The following NUMBL variants were observed in gnomAD, a reference collection of about 807,000 sequenced individuals.
NUMBL encodes numb-like protein.
In NUMBL, 20 loss-of-function variants were observed where a neutral mutation model predicts 48.9. The ratio of observed to expected loss-of-function variants is 0.41; its 90% CI spans 0.29 to 0.59. The LOEUF (loss-of-function observed/expected upper bound fraction) is 0.59, where lower values mean the gene tolerates loss of function less well. NUMBL is among the 20% of genes least tolerant of loss of function. The pLI is 0.31. For missense variants in NUMBL, 660 were observed against 846.2 expected (o/e 0.78, Z 2.73); for synonymous variants, 340 against 348.7 (o/e 0.98, Z 0.28).
At chr19:40,674,244 G>C (rs2081863402) in intron 7 of NUMBL, among the ~76,000 whole-genome samples, 1 of 152,076 alleles carries the variant, frequency 6.6e-6, no homozygotes, top group Admixed American at 6.6e-5. Context: ...GTCACTGTCT[G>C]TTCCCCTCTG....
chr19:40,668,378 A>C (rs1367280957), intron 9 of NUMBL, among the ~76,000 whole-genome samples: 3 of 152,188 alleles, frequency 2.0e-5, no homozygotes, highest in Non-Finnish European at 2.9e-5. Flanking sequence ...CTAAGGCCCT[A>C]TGATGAGAAA....
Position 40,667,892 on chromosome 19 carries a change from G to A in NUMBL, c.1406C>T (p.Pro469Leu). ...ALQPFPAPVG[P>L]FDAAPAQVAV... is the part of the protein sequence containing the mutation. ...CACTTGGGCAGGTGCAGCGTCAAAG[G>A]GCCCCACGGGGGCGGGGAAAGGCTG... is the stretch of plus-strand genomic sequence containing the variant. The change falls in exon 10 of 10, where the codon CCC (proline) becomes CTC (leucine). Residue 469 changes from proline (P) to leucine (L), a missense_variant. This residue lies in a region of NUMBL where 296 missense variants were observed against 339.7 expected (regional missense o/e 0.87). Coordinates refer to ENST00000252891, the MANE Select transcript of NUMBL (RefSeq NM_004756.5). This position sits in a 1 kb window ranked among gnomAD's most constrained non-coding sequence, Gnocchi z 6.1. 1.9e-6 allele frequency: 3 copies of A among 1,580,180 alleles called. No individual in the cohort carries two copies. The highest frequency in any genetic ancestry group is 2.3e-5 in the South Asian group (2 of 86,730).
chr19:40,687,155 T>C lies in NUMBL; in HGVS notation c.25-160A>G, dbSNP rs1419934590. Among the ~76,000 whole-genome samples, 1 of 152,178 alleles carries C rather than the reference T, an allele frequency of 6.6e-6. No homozygotes were observed. The highest frequency in any genetic ancestry group is 1.5e-5 in the Non-Finnish European group (1 of 68,014). ...ACTGTTACCAGGGAGATCAGCCACC[T>C]GGTTCCAAGGGCCCAGGAAGGAGTA... On this transcript the variant is annotated intron_variant, in intron 1 of 9. Transcript: ENST00000252891. This position sits in a 1 kb window ranked among gnomAD's most constrained non-coding sequence, Gnocchi z 4.6.
chr19:40,685,577 G>C (rs887376703), intron 2 of NUMBL: 2 of 153,892 alleles, frequency 1.3e-5, no homozygotes, highest in East Asian at 1.9e-4. Flanking sequence ...TTGTGAGTGT[G>C]TGTCTGCTGT....
Position 40,667,425 on chromosome 19 carries a change from C to T in NUMBL, c.*43G>A, listed in dbSNP as rs755084098. On this transcript the variant is annotated 3_prime_UTR_variant, in exon 10 of 10. Coordinates refer to ENST00000252891, the MANE Select transcript of NUMBL (RefSeq NM_004756.5). The surrounding 1 kb of genome is among the most constrained non-coding windows in gnomAD (Gnocchi z 6.1). ...GAGAGGTTGTGCCTCCACCCCCAGGCGTGGGGCACCTGGAGATGATGGAGT... is the reference window on the plus strand; with the variant it reads ...GAGAGGTTGTGCCTCCACCCCCAGGTGTGGGGCACCTGGAGATGATGGAGT... 1.4e-5 allele frequency: 23 copies of T among 1,587,898 alleles called. No individual in the cohort carries two copies. Among genetic ancestry groups the T allele is most frequent in the East Asian group, 6.8e-5 (3 of 44,140 alleles).
At chr19:40,672,346 C>T (rs1378095037) in intron 8 of NUMBL, among the ~76,000 whole-genome samples, 1 of 152,238 alleles carries the variant, frequency 6.6e-6, no homozygotes, top group Non-Finnish European at 1.5e-5. Context: ...CTAGAAGAAA[C>T]AGATCCTTGT....
chr19:40,670,895 CAT>C (rs781681799), intron 8 of NUMBL, among the ~76,000 whole-genome samples: 2 of 152,150 alleles, frequency 1.3e-5, no homozygotes, highest in Non-Finnish European at 2.9e-5. Flanking sequence ...TGGATCTGCA[CAT>C]GTGGCTTTGG....
At chr19:40,685,278 T>C (rs1158429884) in intron 2 of NUMBL, 5 of 152,488 alleles carry the variant, frequency 3.3e-5, no homozygotes, top group African/African-American at 1.0e-4. Context: ...GTCCCAGGAC[T>C]GGGAGCACCA....
At chr19:40,677,511 G>C in intron 6 of NUMBL, 90 bp from the exon 7 acceptor site, 1 of 1,238,210 alleles carries the variant, frequency 8.1e-7, no homozygotes, top group South Asian at 1.5e-5. Flanking sequence ...TAGGTACTGG[G>C]TTGCCCCGGA....
At chr19:40,670,385 TGGCATGGCCGCTCACTGGCTG>T (rs937287832) in intron 8 of NUMBL, among the ~76,000 whole-genome samples, 1 of 152,202 alleles carries the variant, frequency 6.6e-6, no homozygotes, top group Non-Finnish European at 1.5e-5. Flanking sequence ...GAATGGGCTG[TGGCATGGCCGCTCACTGGCTG>T]GGGATCATTT....
chr19:40,667,042 C>T lies in NUMBL; in HGVS notation c.*426G>A. On this transcript the variant is annotated 3_prime_UTR_variant, in exon 10 of 10. Coordinates refer to ENST00000252891, the MANE Select transcript of NUMBL (RefSeq NM_004756.5). The surrounding 1 kb of genome is among the most constrained non-coding windows in gnomAD (Gnocchi z 6.1). ...TGCTGTGCATGGGGGGAGGAGACGA[C>T]CAGATTTGGGGTGGGCACTGGTGTG... 1 of 232,810 alleles carries T rather than the reference C, an allele frequency of 4.3e-6. No individual in the cohort carries two copies. The highest frequency in any genetic ancestry group is 8.6e-6 in the Non-Finnish European group (1 of 116,850). The allele number at this position is 232,810 out of a possible 1,614,324, so 14.4% of individuals were successfully genotyped here.
Position 40,666,632 on chromosome 19 carries a change from G to A in NUMBL, c.*836C>T, listed in dbSNP as rs955004179. 6.6e-6 allele frequency: 1 copy of A among 152,050 alleles called. No homozygotes were observed. The highest frequency in any genetic ancestry group is 2.4e-5 in the African/African-American group (1 of 41,200). The allele number at this position is 152,050 out of a possible 1,614,324, so 9.4% of individuals were successfully genotyped here. Reference sequence around the variant, plus strand: ...TCTGTTTCAGTCCATGACTCAGGAGGAAAGGTTCTAGGGCCTCACCAGCGC... The same window carrying A: ...TCTGTTTCAGTCCATGACTCAGGAGAAAAGGTTCTAGGGCCTCACCAGCGC... On this transcript the variant is annotated 3_prime_UTR_variant, in exon 10 of 10. Coordinates refer to ENST00000252891, the MANE Select transcript of NUMBL (RefSeq NM_004756.5).
intron 8 of NUMBL, 106 bp from the exon 9 acceptor site, chr19:40,670,126 T>G: frequency 7.2e-7 from 1 of 1,387,922 alleles, no homozygotes; most frequent in Non-Finnish European, 9.6e-7. Context: ...CCTGGATCCT[T>G]TCCCACTGTA....
At chr19:40,672,863 T>C (rs2081855315) in intron 8 of NUMBL, among the ~76,000 whole-genome samples, 1 of 152,176 alleles carries the variant, frequency 6.6e-6, no homozygotes, top group Non-Finnish European at 1.5e-5. Flanking sequence ...ATCCTTCACC[T>C]AGCCAGATCT....
chr19:40,679,600 C>T (rs1483700681), intron 6 of NUMBL, among the ~76,000 whole-genome samples: 1 of 151,790 alleles, frequency 6.6e-6, no homozygotes, highest in African/African-American at 2.4e-5. Context: ...ATTGCTTGAA[C>T]CCGGGAGGCA....
intron 2 of NUMBL, chr19:40,685,787 T>C (rs1386050085): frequency 6.5e-6 from 1 of 153,234 alleles, no homozygotes; most frequent in African/African-American, 2.4e-5. Flanking sequence ...ATCTGAGGGA[T>C]CTACAAGACT....
intron 7 of NUMBL, among the ~76,000 whole-genome samples, chr19:40,674,403 C>T (rs2081863988): frequency 6.6e-6 from 1 of 152,130 alleles, no homozygotes; most frequent in Non-Finnish European, 1.5e-5. Context: ...AGACTGTTCT[C>T]TGTACTCTGG....
chr19:40,685,183 G>A (rs1022586313), intron 2 of NUMBL: 9 of 154,838 alleles, frequency 5.8e-5, no homozygotes, highest in African/African-American at 2.2e-4. Flanking sequence ...ACTGATGACT[G>A]TCAGAGGCAG....
intron 6 of NUMBL, 27 bp downstream of exon 6, chr19:40,680,890 G>C: frequency 6.2e-7 from 1 of 1,613,794 alleles, no homozygotes; most frequent in Non-Finnish European, 8.5e-7. Context: ...TGGGAGGGAA[G>C]AGTTGGCCAG....
Sources: allele counts gnomAD v4.1 joint callset (sites outside exome capture counted in the v4.1 genomes callset), GRCh38; gene constraint gnomAD v4.1.1; regional missense constraint gnomAD v4.1.1; non-coding constraint Gnocchi (gnomAD v3.1); transcripts MANE v1.5; gene names NCBI Gene and HGNC (gene_info 2026-07-23, HGNC 2026-07-21).